The following MYCBP2 variants were observed in gnomAD, a reference collection of about 807,000 sequenced individuals.
The protein encoded by MYCBP2 is MYC binding protein 2.
MYCBP2 carries 120 observed loss-of-function variants against 525.3 expected under a neutral mutation model. That is an observed-to-expected ratio of 0.23 (90% CI 0.20 to 0.27). The LOEUF (loss-of-function observed/expected upper bound fraction) is 0.27, where lower values mean the gene tolerates loss of function less well. Ranked by LOEUF, MYCBP2 falls within the 10% of genes least tolerant of loss-of-function variation. The probability of loss-of-function intolerance (pLI) is 1.00; values close to 1 mark genes in which losing one functional copy is unlikely to be tolerated. For missense variants in MYCBP2, 4,149 were observed against 5,657.1 expected, an observed-to-expected ratio of 0.73 and a Z score of 8.55; for synonymous variants, 1,894 against 1,955.8, an observed-to-expected ratio of 0.97 and a Z score of 0.83.
At chr13:77,182,997 T>C (rs1595204423) in intron 32 of MYCBP2, among the ~76,000 whole-genome samples, 1 of 152,326 alleles carries the variant, frequency 6.6e-6, no homozygotes, top group East Asian at 1.9e-4. Flanking sequence ...TCAACCACTG[T>C]TCCTGTAGCT....
chr13:77,175,951 C>T (rs911049053), intron 36 of MYCBP2, among the ~76,000 whole-genome samples: 1 of 146,976 alleles, frequency 6.8e-6, no homozygotes, highest in Non-Finnish European at 1.5e-5. Flanking sequence ...AGTGAGACTC[C>T]ATCTAAAAAA....
intron 23 of MYCBP2, among the ~76,000 whole-genome samples, chr13:77,210,134 G>A (rs1434809511): frequency 6.6e-6 from 1 of 152,036 alleles, no homozygotes; most frequent in East Asian, 1.9e-4. Flanking sequence ...AGTATCCAAA[G>A]CTAGAAACAC....
Position 77,068,595 on chromosome 13 carries a change from A to C in MYCBP2, c.12141T>G (p.Leu4047=), listed in dbSNP as rs2040593505. The change falls in exon 70 of 83, where the codon CTT becomes CTG. Residue 4047 remains leucine (L), a synonymous_variant. Transcript: ENST00000544440. ...TCTGGACTCTAGGAGAGGCTGTGTGAAGCAGCGAGAAGAGATCCTGAAGCA... is the reference window on the plus strand; with the variant it reads ...TCTGGACTCTAGGAGAGGCTGTGTGCAGCAGCGAGAAGAGATCCTGAAGCA... ...LTLLQDLFSL[L]HTASPRVQRQ... 1 of 1,614,024 alleles carries C rather than the reference A, an allele frequency of 6.2e-7. No homozygotes were observed. Among genetic ancestry groups the C allele is most frequent in the Non-Finnish European group, 8.5e-7 (1 of 1,180,008 alleles).
intron 73 of MYCBP2, 78 bp from the exon 74 acceptor site, chr13:77,062,775 A>C: frequency 9.1e-7 from 1 of 1,096,110 alleles, no homozygotes; most frequent in South Asian, 1.3e-5. Context: ...ACATCACAAC[A>C]GCTCAATAAA....
Position 77,261,297 on chromosome 13 carries a change from T to G in MYCBP2, c.1726A>C (p.Ile576Leu). The G allele has an allele frequency of 6.2e-7, 1 of 1,613,656 alleles. No homozygotes were observed. The highest frequency in any genetic ancestry group is 8.5e-7 in the Non-Finnish European group (1 of 1,179,748). ...TGTACTATCTTTGGAGATTTTGTAATTGGTAGCTCAACCCATTTTCCTGCT... is the reference window on the plus strand; with the variant it reads ...TGTACTATCTTTGGAGATTTTGTAAGTGGTAGCTCAACCCATTTTCCTGCT... ...PSAGKWVELP[I>L]TKSPKIVHFS... Residue 576 changes from isoleucine (I) to leucine (L), a missense_variant, in exon 12 of 83, where the codon ATT (isoleucine) becomes CTT (leucine). Physicochemically the swap from Ile to Leu is conservative, Grantham distance 5 (BLOSUM62 2). Transcript: ENST00000544440.
At chr13:77,151,004 T>A (rs185136489) in intron 46 of MYCBP2, 55 bp from the exon 47 acceptor site, 33 of 1,407,964 alleles carry the variant, frequency 2.3e-5, no homozygotes, top group Non-Finnish European at 3.0e-5. Context: ...GTCACTGACA[T>A]CAAAATAAGC....
rs1213874153 is a variant in MYCBP2 at position 77,176,611 on chromosome 13, A to G, written c.5358T>C (p.Asp1786=). ...ATGTCCATCTGTGGGAATGAGTTGA[A>G]TCTCCTGCATGTTCACTCTAAAAAA... The part of the protein sequence containing the change: ...VLVDDSEHAG[D]STHSHRWTSL... The change falls in exon 36 of 83, where the codon GAT becomes GAC. Residue 1786 remains aspartate (D), a synonymous_variant. Transcript: ENST00000544440. 1 of 1,565,310 alleles carries G rather than the reference A, an allele frequency of 6.4e-7. No individual in the cohort carries two copies. Among genetic ancestry groups the G allele is most frequent in the Non-Finnish European group, 8.7e-7 (1 of 1,150,946 alleles).
chr13:77,296,153 C>T (rs115735839), intron 2 of MYCBP2, among the ~76,000 whole-genome samples: 1,952 of 152,260 alleles, frequency 0.013, 37 homozygotes, highest in African/African-American at 0.045. Context: ...GGCACAGTGG[C>T]TCATGTCTGC....
intron 38 of MYCBP2, among the ~76,000 whole-genome samples, chr13:77,170,523 T>C (rs2059027009): frequency 6.6e-6 from 1 of 152,116 alleles, no homozygotes; most frequent in Admixed American, 6.5e-5. Context: ...CAGGTGGTTC[T>C]GATGTTAAAC....
chr13:77,293,930 C>T (rs994046150), intron 2 of MYCBP2, among the ~76,000 whole-genome samples: 2 of 151,268 alleles, frequency 1.3e-5, no homozygotes, highest in Admixed American at 1.3e-4. Context: ...TGTAAGATAA[C>T]GAGTGTTAAT....
At position 77,146,153 on chromosome 13, in the gene MYCBP2, G is replaced by A. The variant is rs770641978; in HGVS notation, c.7187+9C>T. The A allele has an allele frequency of 3.2e-6, 5 of 1,571,760 alleles. No homozygotes were observed. The highest frequency in any genetic ancestry group is 2.7e-5 in the African/African-American group (2 of 73,138). ...TGTTTTGGTTATACTTTGAGAAAAC[G>A]ATCCTTACCTCTTAGGAGTTGGTGA... On this transcript the variant is annotated intron_variant, in intron 48 of 82. Transcript: ENST00000544440.
chr13:77,114,317 G>A (rs552443792), intron 55 of MYCBP2, among the ~76,000 whole-genome samples: 32 of 152,090 alleles, frequency 2.1e-4, no homozygotes, highest in Admixed American at 6.6e-4. Flanking sequence ...AGCATGAGAG[G>A]TATTAAGTAT....
At chr13:77,320,653 T>C (rs1003498092) in intron 1 of MYCBP2, among the ~76,000 whole-genome samples, 14 of 152,114 alleles carry the variant, frequency 9.2e-5, no homozygotes, top group African/African-American at 3.1e-4. Context: ...TTTACAGAGA[T>C]GAAATCTAGT....
At position 77,326,955 on chromosome 13, in the gene MYCBP2, C is replaced by A. The variant is rs560689182; in HGVS notation, c.-180G>T. On this transcript the variant is annotated 5_prime_UTR_variant, in exon 1 of 83. Transcript: ENST00000544440. The surrounding 1 kb of genome is among the most constrained non-coding windows in gnomAD (Gnocchi z 4.2). Reference sequence around the variant, plus strand: ...CTCCTCCTTCTTCTCCTCCTCCCCCCCGCGCCGCCCTCGCCGCTACTGGGG... The same window carrying A: ...CTCCTCCTTCTTCTCCTCCTCCCCCACGCGCCGCCCTCGCCGCTACTGGGG... 5.7e-6 allele frequency: 3 copies of A among 526,870 alleles called. No homozygotes were observed. The highest frequency in any genetic ancestry group is 3.5e-5 in the East Asian group (1 of 28,618). The allele number at this position is 526,870 out of a possible 1,614,324, so 32.6% of individuals were successfully genotyped here.
At chr13:77,249,530 A>C (rs1210146349) in intron 15 of MYCBP2, among the ~76,000 whole-genome samples, 3 of 152,316 alleles carry the variant, frequency 2.0e-5, no homozygotes, top group South Asian at 4.1e-4. Flanking sequence ...TGGCTGCTTA[A>C]GCTCAGAGAG....
intron 17 of MYCBP2, 46 bp downstream of exon 17, chr13:77,243,013 A>G (rs761574612): frequency 1.3e-6 from 2 of 1,513,062 alleles, no homozygotes; most frequent in Non-Finnish European, 9.2e-7. Context: ...AGGATAGGGT[A>G]GGAAAGTGGA....
At position 77,270,256 on chromosome 13, in the gene MYCBP2, T is replaced by C. The variant is rs568151652; in HGVS notation, c.1188+40A>G. Reference sequence around the variant, plus strand: ...CACAGAACACAATTCATTATGGTTATAACTCTGTATAATTAAGGAACTGTA... The same window carrying C: ...CACAGAACACAATTCATTATGGTTACAACTCTGTATAATTAAGGAACTGTA... On this transcript the variant is annotated intron_variant, in intron 6 of 82. Coordinates refer to ENST00000544440, the MANE Select transcript of MYCBP2 (RefSeq NM_015057.5). The C allele has an allele frequency of 2.6e-4, 405 of 1,571,302 alleles. 5 individuals are homozygous for C. The South Asian group carries it at 4.2e-3, about 16-fold the overall frequency.
In MYCBP2 at chr13:77,326,656, C is replaced by T. The variant is rs1165178677; in HGVS notation, c.120G>A (p.Pro40=). The T allele has an allele frequency of 1.3e-6, 2 of 1,510,898 alleles. No individual in the cohort carries two copies. Among genetic ancestry groups the T allele is most frequent in the Non-Finnish European group, 1.8e-6 (2 of 1,134,014 alleles). The allele number at this position is 1,510,898 out of a possible 1,614,324, so 93.6% of individuals were successfully genotyped here. ...SSPAPGALFM[P]VPDGSVAAAG... ...CAGCAGCCACGGAGCCGTCGGGAACCGGCATGAACAGCGCCCCCGGCGCCG... is the reference window on the plus strand; with the variant it reads ...CAGCAGCCACGGAGCCGTCGGGAACTGGCATGAACAGCGCCCCCGGCGCCG... The change falls in exon 1 of 83, where the codon CCG becomes CCA. Residue 40 remains proline (P), a synonymous_variant. Transcript: ENST00000544440. The surrounding 1 kb of genome is among the most constrained non-coding windows in gnomAD (Gnocchi z 4.2).
intron 32 of MYCBP2, 108 bp downstream of exon 32, chr13:77,184,995 T>C: frequency 9.3e-7 from 1 of 1,074,658 alleles, no homozygotes. Flanking sequence ...GATTTCCTAA[T>C]TTATCTTTTA....
Sources: gnomAD v4.1 joint callset for allele counts (sites outside exome capture counted in the v4.1 genomes callset) on GRCh38, gnomAD v4.1.1 for gene constraint, Gnocchi (gnomAD v3.1) non-coding constraint, MANE v1.5 for transcripts, NCBI Gene and HGNC (gene_info 2026-07-23, HGNC 2026-07-21) for gene names.